The following C8orf34 variants were observed in gnomAD, a reference collection of about 807,000 sequenced individuals.
The protein encoded by C8orf34 is uncharacterized protein C8orf34.
A neutral mutation model predicts 68.3 loss-of-function variants in C8orf34; 65 were observed. The observed-to-expected ratio is 0.95, with a 90% CI of 0.78 to 1.17. The LOEUF is 1.17. C8orf34 is among the 50% of genes most tolerant of loss of function. The probability of loss-of-function intolerance (pLI) is 0.00; values close to 1 mark genes in which losing one functional copy is unlikely to be tolerated. For missense variants in C8orf34, 664 were observed against 655.4 expected (o/e 1.01, Z -0.14); for synonymous variants, 244 against 241.2 (o/e 1.01, Z -0.11).
intron 7 of C8orf34, among the ~76,000 whole-genome samples, chr8:68,548,036 A>G (rs1815944474): frequency 6.6e-6 from 1 of 151,830 alleles, no homozygotes; most frequent in Non-Finnish European, 1.5e-5. Flanking sequence ...CGCCACAACA[A>G]ACATTACTTT....
chr8:68,711,376 C>T (rs989980911), intron 9 of C8orf34, among the ~76,000 whole-genome samples: 1 of 152,056 alleles, frequency 6.6e-6, no homozygotes, highest in Non-Finnish European at 1.5e-5. Flanking sequence ...ATTAAGCAGG[C>T]ATCACAGAAA....
chr8:68,803,869 C>T (rs921058676), intron 12 of C8orf34, among the ~76,000 whole-genome samples: 1 of 151,754 alleles, frequency 6.6e-6, no homozygotes, highest in Non-Finnish European at 1.5e-5. Context: ...TATTACATTT[C>T]ACAAATTAAA....
chr8:68,601,183 CT>C (rs1249499606), intron 7 of C8orf34, among the ~76,000 whole-genome samples: 2 of 151,916 alleles, frequency 1.3e-5, no homozygotes, highest in African/African-American at 2.4e-5. Flanking sequence ...GCTTTCAATA[CT>C]TTTTTTTAGT....
At chr8:68,772,220 T>A (rs1224306983) in intron 10 of C8orf34, among the ~76,000 whole-genome samples, 4 of 152,216 alleles carry the variant, frequency 2.6e-5, no homozygotes, top group Non-Finnish European at 4.4e-5. Flanking sequence ...AAAATTAACA[T>A]CAGAGGTCTT....
chr8:68,551,101 C>T (rs1816053891), intron 7 of C8orf34, among the ~76,000 whole-genome samples: 1 of 151,804 alleles, frequency 6.6e-6, no homozygotes, highest in African/African-American at 2.4e-5. Flanking sequence ...AATATTACTT[C>T]TCTTTTCTCT....
chr8:68,751,913 C>T (rs1822719664), intron 10 of C8orf34, among the ~76,000 whole-genome samples: 1 of 151,636 alleles, frequency 6.6e-6, no homozygotes, highest in South Asian at 2.1e-4. Flanking sequence ...CTCAAAATCT[C>T]TTGTATAAGT....
chr8:68,522,979 C>T (rs550243448), intron 6 of C8orf34, among the ~76,000 whole-genome samples: 15 of 152,256 alleles, frequency 9.9e-5, no homozygotes, highest in Admixed American at 8.5e-4. Flanking sequence ...AATGTAATAG[C>T]TTTCAGGGGT....
intron 8 of C8orf34, among the ~76,000 whole-genome samples, chr8:68,692,409 A>G (rs1820710699): frequency 6.6e-6 from 1 of 152,050 alleles, no homozygotes; most frequent in Non-Finnish European, 1.5e-5. Context: ...TTAACAGGAG[A>G]AAAACAGTCA....
chr8:68,550,128 GT>G (rs1816016859), intron 7 of C8orf34, among the ~76,000 whole-genome samples: 1 of 151,394 alleles, frequency 6.6e-6, no homozygotes, highest in African/African-American at 2.4e-5. Flanking sequence ...ATTTTTTCTT[GT>G]TTTCTATGTA....
chr8:68,776,368 C>G (rs751997093), intron 10 of C8orf34, 31 bp from the exon 11 acceptor site: 8 of 1,580,922 alleles, frequency 5.1e-6, no homozygotes, highest in South Asian at 2.2e-5. Context: ...TTCTCCTGAC[C>G]TTTTCAACCT....
At chr8:68,546,457 T>C (rs747347864) in intron 7 of C8orf34, among the ~76,000 whole-genome samples, 174 of 151,878 alleles carry the variant, frequency 1.1e-3, no homozygotes, top group African/African-American at 4.1e-3. Context: ...TCTAAATGTA[T>C]ATGCATTTAA....
chr8:68,766,142 C>T (rs1823167178), intron 10 of C8orf34, among the ~76,000 whole-genome samples: 1 of 152,098 alleles, frequency 6.6e-6, no homozygotes, highest in Non-Finnish European at 1.5e-5. Context: ...TCTGAAAAAT[C>T]AATCACTTTT....
intron 12 of C8orf34, among the ~76,000 whole-genome samples, chr8:68,797,721 G>T (rs1256230195): frequency 6.6e-6 from 1 of 152,108 alleles, no homozygotes; most frequent in African/African-American, 2.4e-5. Flanking sequence ...CGACATGAAA[G>T]GGATGGGTCA....
At chr8:68,748,496 G>A (rs71267102) in intron 10 of C8orf34, among the ~76,000 whole-genome samples, 1 of 151,502 alleles carries the variant, frequency 6.6e-6, no homozygotes, top group East Asian at 1.9e-4. Flanking sequence ...ATCTGACAAA[G>A]GGCTAATATC....
chr8:68,472,348 T>G (rs1489849295), intron 4 of C8orf34, among the ~76,000 whole-genome samples: 1 of 152,152 alleles, frequency 6.6e-6, no homozygotes, highest in Non-Finnish European at 1.5e-5. Flanking sequence ...ATTTACTGCT[T>G]CTTCTTTGAG....
chr8:68,745,042 G>A lies in C8orf34; in HGVS notation c.1404+23605G>A, dbSNP rs547127052. Among the ~76,000 whole-genome samples the A allele has an allele frequency of 1.7e-4, 26 of 152,276 alleles. No homozygotes were observed. The South Asian group carries it at 5.2e-3, about 30-fold the overall frequency. On this transcript the variant is annotated intron_variant, in intron 10 of 13. Transcript: ENST00000518698. The stretch of plus-strand genomic sequence containing the variant: ...CAGACTAACAGCGGATCTCTCGGCA[G>A]AAACCCTACAAGCCAGAAGAGAGTG...
At chr8:68,408,494 T>A (rs1249050464) in intron 1 of C8orf34, among the ~76,000 whole-genome samples, 5 of 152,176 alleles carry the variant, frequency 3.3e-5, no homozygotes, top group Admixed American at 3.3e-4. Flanking sequence ...ATCCCAATTT[T>A]CATAGTTTTC....
intron 12 of C8orf34, among the ~76,000 whole-genome samples, chr8:68,796,396 G>A (rs542670582): frequency 2.8e-4 from 42 of 152,160 alleles, no homozygotes; most frequent in Admixed American, 2.6e-3. Flanking sequence ...CATCAGCTTA[G>A]TTTTCTCTTT....
intron 1 of C8orf34, among the ~76,000 whole-genome samples, chr8:68,406,588 C>T (rs1809205296): frequency 6.6e-6 from 1 of 151,986 alleles, no homozygotes; most frequent in Admixed American, 6.6e-5. Context: ...TCTCTGCCTC[C>T]AGGTTCTAGT....
Sources: allele counts gnomAD v4.1 joint callset (sites outside exome capture counted in the v4.1 genomes callset), GRCh38; gene constraint gnomAD v4.1.1; transcripts MANE v1.5; gene names NCBI Gene and HGNC (gene_info 2026-07-23, HGNC 2026-07-21).